The following ERBB4 variants were observed in gnomAD, a reference collection of about 807,000 sequenced individuals.
ERBB4 encodes receptor tyrosine-protein kinase erbB-4.
A neutral mutation model predicts 158.0 loss-of-function variants in ERBB4; 42 were observed. The observed-to-expected ratio is 0.27, with a 90% CI of 0.21 to 0.34. The LOEUF (loss-of-function observed/expected upper bound fraction) is 0.34. ERBB4 is among the 10% of genes least tolerant of loss of function. The pLI, the probability that ERBB4 is intolerant of heterozygous loss-of-function variation, is 1.00. For synonymous variants in ERBB4, 583 were observed against 558.7 expected (o/e 1.04, Z -0.61); for missense variants, 1,333 against 1,624.1 (o/e 0.82, Z 3.08).
chr2:212,267,030 T>C (rs187650012), intron 1 of ERBB4, among the ~76,000 whole-genome samples: 4 of 152,040 alleles, frequency 2.6e-5, no homozygotes, highest in African/African-American at 9.6e-5. Context: ...GATAAACAAA[T>C]GCCTAAATAT....
chr2:212,246,718 G>A (rs1270670498), intron 1 of ERBB4, among the ~76,000 whole-genome samples: 1 of 152,114 alleles, frequency 6.6e-6, no homozygotes, highest in African/African-American at 2.4e-5. Flanking sequence ...TTAGAAACGT[G>A]ATGCTGAGGA....
intron 17 of ERBB4, among the ~76,000 whole-genome samples, 180 bp downstream of exon 17, chr2:211,630,282 T>A (rs2070054923): frequency 6.6e-6 from 1 of 152,234 alleles, no homozygotes. Flanking sequence ...CTTGAAGCCT[T>A]GACTATTTTT....
At chr2:211,385,086 G>C (rs1219174119) in intron 27 of ERBB4, among the ~76,000 whole-genome samples, 2 of 152,048 alleles carry the variant, frequency 1.3e-5, no homozygotes, top group African/African-American at 2.4e-5. Flanking sequence ...TCTTTGTTGA[G>C]AGGCCATTCT....
At chr2:211,987,516 A>G (rs1053993998) in intron 2 of ERBB4, among the ~76,000 whole-genome samples, 1 of 152,058 alleles carries the variant, frequency 6.6e-6, no homozygotes, top group African/African-American at 2.4e-5. Context: ...AAGGGAACAT[A>G]GGAGAGAGAA....
chr2:211,467,268 T>C (rs1445178645), intron 20 of ERBB4, among the ~76,000 whole-genome samples: 1 of 152,130 alleles, frequency 6.6e-6, no homozygotes, highest in Non-Finnish European at 1.5e-5. Context: ...ACTGGTTTCT[T>C]GTTCTCACTA....
chr2:212,275,423 T>C (rs905225239), intron 1 of ERBB4, among the ~76,000 whole-genome samples: 3 of 151,812 alleles, frequency 2.0e-5, no homozygotes, highest in East Asian at 1.9e-4. Flanking sequence ...TCCACATCCT[T>C]TCCAGCACCT....
chr2:211,715,229 T>G (rs62182968), intron 7 of ERBB4, among the ~76,000 whole-genome samples: 30,111 of 152,166 alleles, frequency 0.2, 3,164 homozygotes, highest in Admixed American at 0.27. Context: ...GGGAATCTGG[T>G]GCAAAGAATC....
chr2:212,142,375 G>C (rs2080509571), intron 1 of ERBB4, among the ~76,000 whole-genome samples: 1 of 151,740 alleles, frequency 6.6e-6, no homozygotes, highest in African/African-American at 2.4e-5. Context: ...TGGATGGATG[G>C]ACGCATAAAT....
At chr2:211,670,911 GA>G (rs1366105995) in intron 14 of ERBB4, among the ~76,000 whole-genome samples, 1 of 152,150 alleles carries the variant, frequency 6.6e-6, no homozygotes, top group Non-Finnish European at 1.5e-5. Context: ...AAGGCATACT[GA>G]AGGGACAGTT....
chr2:211,661,843 T>C (rs2071431894), intron 15 of ERBB4, among the ~76,000 whole-genome samples: 1 of 150,378 alleles, frequency 6.6e-6, no homozygotes, highest in Non-Finnish European at 1.5e-5. Context: ...ATCGAGACCA[T>C]CCCGGCTAAA....
intron 3 of ERBB4, among the ~76,000 whole-genome samples, chr2:211,937,086 A>G (rs1191080049): frequency 6.6e-6 from 1 of 152,196 alleles, no homozygotes; most frequent in East Asian, 1.9e-4. Context: ...TAAAACACAT[A>G]CAGTTTTGGA....
intron 25 of ERBB4, among the ~76,000 whole-genome samples, chr2:211,402,668 G>A (rs1276661649): frequency 2.0e-5 from 3 of 151,892 alleles, no homozygotes; most frequent in African/African-American, 7.3e-5. Flanking sequence ...CAAGCAGCAA[G>A]CTCATCCTAA....
intron 2 of ERBB4, among the ~76,000 whole-genome samples, chr2:212,097,536 G>A (rs916580693): frequency 6.6e-6 from 1 of 152,130 alleles, no homozygotes; most frequent in Admixed American, 6.5e-5. Context: ...GGATTTAAGA[G>A]ATAGATTTGG....
At chr2:211,444,323 T>G (rs183403540) in intron 20 of ERBB4, among the ~76,000 whole-genome samples, 155 of 152,154 alleles carry the variant, frequency 1.0e-3, no homozygotes, top group Non-Finnish European at 1.8e-3. Context: ...TGACTATGTA[T>G]TCATTAGAAC....
intron 1 of ERBB4, among the ~76,000 whole-genome samples, chr2:212,517,220 A>G (rs1313845181): frequency 2.6e-5 from 4 of 152,070 alleles, no homozygotes; most frequent in Non-Finnish European, 5.9e-5. Flanking sequence ...CATGTTTACA[A>G]TTCATGGCCT....
Position 211,745,715 on chromosome 2 carries a change from G to GAAA in ERBB4, c.622+4921_622+4923dup, listed in dbSNP as rs776012647. 5.0e-3 allele frequency among the ~76,000 whole-genome samples: 473 copies of GAAA among 94,066 alleles called. 13 individuals carry two copies. Among genetic ancestry groups the GAAA allele is most frequent in the African/African-American group, 8.3e-3 (250 of 29,966 alleles). The allele number at this position is 94,066 out of a possible 152,430, so 61.7% of individuals were successfully genotyped here. On this transcript the variant is annotated intron_variant, in intron 5 of 27. Transcript: ENST00000342788. ...TTGTGCCCCCCACCCTCCACCGCCA[G>GAAA]AAAAAAAACAAAAACAAAACAAAAA...
intron 5 of ERBB4, among the ~76,000 whole-genome samples, chr2:211,729,447 T>C (rs1290219477): frequency 2.6e-5 from 4 of 151,600 alleles, no homozygotes; most frequent in African/African-American, 7.3e-5. Flanking sequence ...ACATAAAAGG[T>C]AGGCAAAAAG....
intron 3 of ERBB4, among the ~76,000 whole-genome samples, chr2:211,823,368 C>A (rs2077034823): frequency 6.6e-6 from 1 of 151,630 alleles, no homozygotes; most frequent in South Asian, 2.1e-4. Flanking sequence ...CTAGTATTTT[C>A]ATGTATTTGA....
chr2:212,098,704 T>C lies in ERBB4; in HGVS notation c.234+26048A>G, dbSNP rs532531969. On this transcript the variant is annotated intron_variant, in intron 2 of 27. Transcript: ENST00000342788. ...TGTATTATATAATACCGTTTTATAA[T>C]GTGATGTGCAAATGCATTTGAAAGA... Among the ~76,000 whole-genome samples, 5 of 152,114 alleles carry C rather than the reference T, an allele frequency of 3.3e-5. No homozygotes were observed. The South Asian group carries it at 1.0e-3, about 31-fold the overall frequency.
Sources: allele counts gnomAD v4.1 joint callset (sites outside exome capture counted in the v4.1 genomes callset), GRCh38; gene constraint gnomAD v4.1.1; transcripts MANE v1.5; gene names NCBI Gene and HGNC (gene_info 2026-07-23, HGNC 2026-07-21).